Variants in TSPAN5 observed in about 807,000 individuals in gnomAD.
TSPAN5 encodes tetraspanin-5.
A neutral mutation model predicts 37.1 loss-of-function variants in TSPAN5; 10 were observed. That is an observed-to-expected ratio of 0.27 (90% CI 0.17 to 0.46). The LOEUF (loss-of-function observed/expected upper bound fraction) is 0.46, where lower values mean the gene tolerates loss of function less well. Among genes scored for constraint, TSPAN5 ranks in the 20% least tolerant of loss-of-function variants. The pLI is 1.00. For missense variants in TSPAN5, 195 were observed against 326.6 expected, an observed-to-expected ratio of 0.60 and a Z score of 3.11; for synonymous variants, 110 against 118.9, an observed-to-expected ratio of 0.93 and a Z score of 0.48.
chr4:98,562,195 T>C (rs996631212), intron 1 of TSPAN5, among the ~76,000 whole-genome samples: 2 of 152,142 alleles, frequency 1.3e-5, no homozygotes, highest in Admixed American at 1.3e-4. Flanking sequence ...AGAGCTCTGA[T>C]GGGAAACAGT....
At chr4:98,484,047 A>G (rs1381804081) in intron 3 of TSPAN5, 7 of 187,894 alleles carry the variant, frequency 3.7e-5, no homozygotes, top group South Asian at 2.1e-4. Context: ...ATTTTAATTC[A>G]GTTTTTGTTC....
intron 1 of TSPAN5, among the ~76,000 whole-genome samples, chr4:98,648,083 A>T (rs1321935243): frequency 6.6e-6 from 1 of 152,238 alleles, no homozygotes; most frequent in Non-Finnish European, 1.5e-5. Context: ...AGCTTTCTAA[A>T]GAACACTGGC....
chr4:98,525,011 C>T (rs4699642), intron 1 of TSPAN5, among the ~76,000 whole-genome samples: 84,792 of 151,544 alleles, frequency 0.56, 24,382 homozygotes, highest in African/African-American at 0.69. Flanking sequence ...GTTTACGTAG[C>T]TGCACAGTCA....
At chr4:98,632,380 T>C (rs1207146559) in intron 1 of TSPAN5, among the ~76,000 whole-genome samples, 2 of 152,150 alleles carry the variant, frequency 1.3e-5, no homozygotes, top group African/African-American at 2.4e-5. Context: ...TCTCCCACTC[T>C]GGGAGCCTGA....
intron 2 of TSPAN5, among the ~76,000 whole-genome samples, chr4:98,491,558 C>T (rs1753086130): frequency 1.3e-5 from 2 of 152,008 alleles, no homozygotes; most frequent in Admixed American, 1.3e-4. Context: ...CGTGGTGGTA[C>T]CTGCCTGTAA....
At chr4:98,582,971 C>T (rs902446808) in intron 1 of TSPAN5, among the ~76,000 whole-genome samples, 1 of 152,026 alleles carries the variant, frequency 6.6e-6, no homozygotes, top group Admixed American at 6.6e-5. Flanking sequence ...TCCTTGGTAC[C>T]GTATAAAAGC....
chr4:98,553,877 G>T (rs565544186), intron 1 of TSPAN5, among the ~76,000 whole-genome samples: 2 of 152,190 alleles, frequency 1.3e-5, no homozygotes, highest in East Asian at 3.9e-4. Flanking sequence ...GACCAGCCTG[G>T]CCCACATGAC....
At chr4:98,592,796 C>T (rs1755680602) in intron 1 of TSPAN5, among the ~76,000 whole-genome samples, 1 of 151,076 alleles carries the variant, frequency 6.6e-6, no homozygotes, top group African/African-American at 2.4e-5. Context: ...CACAGTATTC[C>T]ATGGTGTATA....
chr4:98,484,282 A>G (rs756860830), intron 3 of TSPAN5: 1 of 371,442 alleles, frequency 2.7e-6, no homozygotes, highest in Non-Finnish European at 5.2e-6. Flanking sequence ...AAGAAGGTCT[A>G]TTTCCATTTT....
intron 1 of TSPAN5, among the ~76,000 whole-genome samples, chr4:98,545,062 C>T (rs1015711947): frequency 6.6e-6 from 1 of 152,126 alleles, no homozygotes; most frequent in Non-Finnish European, 1.5e-5. Flanking sequence ...GCTCCGTGAC[C>T]GACAGTGGCA....
At chr4:98,548,609 T>C (rs1331725408) in intron 1 of TSPAN5, among the ~76,000 whole-genome samples, 2 of 152,172 alleles carry the variant, frequency 1.3e-5, no homozygotes, top group Non-Finnish European at 2.9e-5. Flanking sequence ...GGGCTTTTAA[T>C]GTACCCATCA....
At chr4:98,549,284 G>T (rs75456777) in intron 1 of TSPAN5, among the ~76,000 whole-genome samples, 13,408 of 147,356 alleles carry the variant, frequency 0.091, 1,132 homozygotes, top group African/African-American at 0.23. Flanking sequence ...TTTTATTTTT[G>T]TTTGTTTGTT....
chr4:98,505,293 T>C (rs1327739245), intron 2 of TSPAN5, among the ~76,000 whole-genome samples: 1 of 152,172 alleles, frequency 6.6e-6, no homozygotes, highest in African/African-American at 2.4e-5. Flanking sequence ...ACCTAGAATA[T>C]ATCCAAACTT....
chr4:98,602,328 T>C (rs569133131), intron 1 of TSPAN5, among the ~76,000 whole-genome samples: 65 of 152,314 alleles, frequency 4.3e-4, no homozygotes, highest in Non-Finnish European at 7.3e-4. Flanking sequence ...CTGTGATTAA[T>C]GGTAAAAATT....
intron 1 of TSPAN5, among the ~76,000 whole-genome samples, chr4:98,553,990 T>A (rs1165169057): frequency 2.0e-5 from 3 of 151,644 alleles, no homozygotes; most frequent in South Asian, 4.2e-4. Context: ...TCGCTTGAAC[T>A]GGGGAGGCGG....
At chr4:98,547,860 G>A (rs553239071) in intron 1 of TSPAN5, among the ~76,000 whole-genome samples, 27 of 151,488 alleles carry the variant, frequency 1.8e-4, no homozygotes, top group Non-Finnish European at 3.7e-4. Flanking sequence ...ATAAAAATTC[G>A]CTGGCGTGGT....
At chr4:98,494,120 C>T (rs1340079173) in intron 2 of TSPAN5, among the ~76,000 whole-genome samples, 2 of 152,116 alleles carry the variant, frequency 1.3e-5, no homozygotes, top group African/African-American at 2.4e-5. Context: ...TTTAGAGAGC[C>T]AACAAGCAAC....
intron 1 of TSPAN5, among the ~76,000 whole-genome samples, chr4:98,548,750 C>T (rs1032877802): frequency 3.9e-5 from 6 of 152,116 alleles, no homozygotes; most frequent in Non-Finnish European, 7.3e-5. Context: ...ATTTGGCCCC[C>T]GTTTACAAGT....
intron 1 of TSPAN5, among the ~76,000 whole-genome samples, chr4:98,570,693 A>G (rs1325171399): frequency 6.6e-6 from 1 of 152,136 alleles, no homozygotes; most frequent in Non-Finnish European, 1.5e-5. Context: ...AAACAGAGAG[A>G]GATGGACTCA....
Sources: gnomAD v4.1 joint callset for allele counts (sites outside exome capture counted in the v4.1 genomes callset) on GRCh38, gnomAD v4.1.1 for gene constraint, MANE v1.5 for transcripts, NCBI Gene and HGNC (gene_info 2026-07-23, HGNC 2026-07-21) for gene names.